Variants in RFX2 observed in about 807,000 individuals in gnomAD.
RFX2 encodes the protein DNA-binding protein RFX2.
A neutral mutation model predicts 87.8 loss-of-function variants in RFX2; 20 were observed. That is an observed-to-expected ratio of 0.23 (90% CI 0.16 to 0.33). The LOEUF (loss-of-function observed/expected upper bound fraction) is 0.33. Ranked by LOEUF, RFX2 falls within the 10% of genes least tolerant of loss-of-function variation. The probability of loss-of-function intolerance (pLI) is 1.00; values close to 1 mark genes in which losing one functional copy is unlikely to be tolerated. For missense variants in RFX2, 767 were observed against 1,012.3 expected, an observed-to-expected ratio of 0.76 and a Z score of 3.29; for synonymous variants, 397 against 431.3, an observed-to-expected ratio of 0.92 and a Z score of 0.98.
At chr19:6,015,280 TAG>T (rs1231945358) in intron 7 of RFX2, among the ~76,000 whole-genome samples, 1 of 151,664 alleles carries the variant, frequency 6.6e-6, no homozygotes, top group Non-Finnish European at 1.5e-5. Context: ...ATATAAAAAT[TAG>T]CCAGGCGTGC....
In RFX2 at chr19:6,013,191, C is replaced by CTA; in HGVS notation, c.780-87_780-86insTA. 1 of 1,075,762 alleles carries CTA rather than the reference C, an allele frequency of 9.3e-7. No homozygotes were observed. The highest frequency in any genetic ancestry group is 3.3e-5 in the East Asian group (1 of 30,598). The allele number at this position is 1,075,762 out of a possible 1,614,324, so 66.6% of individuals were successfully genotyped here. A position where few individuals can be genotyped will look rare whatever the true frequency, so the allele number is the denominator to read the frequency against. On this transcript the variant is annotated intron_variant, in intron 7 of 17. Coordinates refer to ENST00000303657, the MANE Select transcript of RFX2 (RefSeq NM_000635.4). This position sits in a 1 kb window ranked among gnomAD's most constrained non-coding sequence, Gnocchi z 4.1. ...TTGGGATTCTTTTTCTTTCTTTCTT[C>CTA]TTTTTTTTTTTTGAGACAGAATCTC...
At chr19:6,038,917 ATAAAGT>A (rs1463472388) in intron 5 of RFX2, among the ~76,000 whole-genome samples, 1 of 152,214 alleles carries the variant, frequency 6.6e-6, no homozygotes, top group African/African-American at 2.4e-5. Context: ...GTGGTTTCTG[ATAAAGT>A]TAAACATACA....
At chr19:6,082,296 A>G (rs74473866) in intron 1 of RFX2, among the ~76,000 whole-genome samples, 5 of 148,176 alleles carry the variant, frequency 3.4e-5, no homozygotes, top group African/African-American at 1.2e-4. Context: ...CCTGTCTCAA[A>G]AAAAAAAAAA....
At position 6,045,694 on chromosome 19, in the gene RFX2, G is replaced by A. The variant is rs530429661; in HGVS notation, c.91-1412C>T. The stretch of plus-strand genomic sequence containing the variant: ...TTTGTTTTTTTGTGTTTTTTGGGAC[G>A]GATTTTTGCTCTTGTCGCCCAGGCT... On this transcript the variant is annotated intron_variant, in intron 2 of 17. Transcript: ENST00000303657. This position sits in a 1 kb window ranked among gnomAD's most constrained non-coding sequence, Gnocchi z 5.2. 6.6e-6 allele frequency among the ~76,000 whole-genome samples: 1 copy of A among 151,736 alleles called. No homozygotes were observed. The highest frequency in any genetic ancestry group is 1.5e-5 in the Non-Finnish European group (1 of 68,002).
At chr19:6,067,730 G>A (rs73923435) in intron 1 of RFX2, among the ~76,000 whole-genome samples, 28 of 152,118 alleles carry the variant, frequency 1.8e-4, no homozygotes, top group Non-Finnish European at 3.5e-4. Context: ...TGTTTTTGGT[G>A]GGCCCAGCCA....
rs1344850996 is a variant in RFX2 at position 6,002,576 on chromosome 19, TG to T, written c.1650+144del. The T allele has an allele frequency of 3.1e-6, 3 of 979,716 alleles. No homozygotes were observed. The Admixed American group carries it at 7.2e-5, about 24-fold the overall frequency. 60.7% of individuals were successfully genotyped at this position (979,716 alleles called of 1,614,324 possible). On this transcript the variant is annotated intron_variant, in intron 14 of 17. Coordinates refer to ENST00000303657, the MANE Select transcript of RFX2 (RefSeq NM_000635.4). The surrounding 1 kb of genome is among the most constrained non-coding windows in gnomAD (Gnocchi z 6.7). ...AGAGCTGGGGGCTGTGGGTGGGCTT[TG>T]GCCTGGGACCCGTGTCATGCAACAG...
intron 5 of RFX2, among the ~76,000 whole-genome samples, chr19:6,033,410 G>C (rs2086975635): frequency 6.6e-6 from 1 of 152,152 alleles, no homozygotes; most frequent in African/African-American, 2.4e-5. Context: ...TTAACAGCTT[G>C]TCAAGTGAGG....
At chr19:6,049,141 G>A (rs1484840985) in intron 1 of RFX2, 1 of 152,144 alleles carries the variant, frequency 6.6e-6, no homozygotes, top group East Asian at 1.9e-4. Context: ...CTGACCTTTG[G>A]AATTTTTCTG....
intron 5 of RFX2, among the ~76,000 whole-genome samples, chr19:6,029,395 C>A (rs74472778): frequency 0.014 from 2,161 of 152,090 alleles, 32 homozygotes; most frequent in Middle Eastern, 0.082. Flanking sequence ...TAAAGGAAAT[C>A]ATGTACAAAG....
intron 1 of RFX2, among the ~76,000 whole-genome samples, chr19:6,080,881 C>T (rs2087771433): frequency 1.3e-5 from 2 of 151,766 alleles, no homozygotes; most frequent in South Asian, 4.2e-4. Flanking sequence ...ACTAAAAATA[C>T]AAAAATTAGC....
At chr19:6,081,782 G>A (rs1380171110) in intron 1 of RFX2, among the ~76,000 whole-genome samples, 24 of 152,076 alleles carry the variant, frequency 1.6e-4, no homozygotes, top group Non-Finnish European at 1.0e-4. Context: ...GTGAAACACC[G>A]TCTCTACTAA....
chr19:6,077,666 A>G (rs978911147), intron 1 of RFX2, among the ~76,000 whole-genome samples: 2 of 152,154 alleles, frequency 1.3e-5, no homozygotes, highest in African/African-American at 2.4e-5. Flanking sequence ...AACAGCCCAA[A>G]TGTTTGTCAA....
chr19:6,071,565 C>T (rs2087606775), intron 1 of RFX2, among the ~76,000 whole-genome samples: 1 of 152,170 alleles, frequency 6.6e-6, no homozygotes, highest in African/African-American at 2.4e-5. Context: ...GTCTCAAATG[C>T]CACCATCCAA....
Position 5,994,754 on chromosome 19 carries a change from T to A in RFX2, c.*81A>T. The stretch of plus-strand genomic sequence containing the variant: ...TCACATCATCTAAGAGGCACTAATT[T>A]GGTGGAGCCGGTGAAATCCAGGTTC... On this transcript the variant is annotated 3_prime_UTR_variant, in exon 18 of 18. Transcript: ENST00000303657. The A allele has an allele frequency of 1.1e-6, 1 of 894,874 alleles. No homozygotes were observed. The highest frequency in any genetic ancestry group is 1.8e-6 in the Non-Finnish European group (1 of 562,494). 55.4% of individuals were successfully genotyped at this position (894,874 alleles called of 1,614,324 possible). A position where few individuals can be genotyped will look rare whatever the true frequency, so the allele number is the denominator to read the frequency against.
intron 1 of RFX2, among the ~76,000 whole-genome samples, chr19:6,066,257 C>A (rs2087509743): frequency 6.6e-6 from 1 of 152,120 alleles, no homozygotes; most frequent in African/African-American, 2.4e-5. Context: ...CACGGGTGGA[C>A]CCAACTTCTT....
chr19:6,098,599 A>C (rs961220431), intron 1 of RFX2, among the ~76,000 whole-genome samples: 8 of 152,052 alleles, frequency 5.3e-5, no homozygotes, highest in African/African-American at 1.9e-4. Context: ...TAAACGTGAG[A>C]GGTCAGGAGT....
At chr19:6,031,847 C>G (rs1033530013) in intron 5 of RFX2, among the ~76,000 whole-genome samples, 1 of 152,020 alleles carries the variant, frequency 6.6e-6, no homozygotes, top group Non-Finnish European at 1.5e-5. Flanking sequence ...GAGGTGGGGT[C>G]TCTCTCTGCT....
intron 5 of RFX2, among the ~76,000 whole-genome samples, chr19:6,037,073 A>G (rs2087035184): frequency 6.6e-6 from 1 of 152,124 alleles, no homozygotes; most frequent in Non-Finnish European, 1.5e-5. Flanking sequence ...TCACGAGGTC[A>G]GGAGATGGAG....
At position 6,042,044 on chromosome 19, in the gene RFX2, A is replaced by G. The variant is rs778182843; in HGVS notation, c.260T>C (p.Ile87Thr). Residue 87 changes from isoleucine to threonine, a missense_variant and splice_region_variant, in exon 4 of 18, where the codon ATA (isoleucine) becomes ACA (threonine). Physicochemically the swap from Ile to Thr is moderately conservative, Grantham distance 89. Transcript: ENST00000303657. ...TGTGGCCCGCGGGAGAAGCACGCAC[A>G]TGGCTCCATTGGTGTAGACGGCGTC... ...GGDAVYTNGA[I>T]RTAYTYNPEP... is the part of the protein sequence containing the mutation. The G allele has an allele frequency of 1.2e-6, 2 of 1,613,654 alleles. No homozygotes were observed. Among genetic ancestry groups the G allele is most frequent in the Non-Finnish European group, 8.5e-7 (1 of 1,179,584 alleles).
Sources: gnomAD v4.1 joint callset for allele counts (sites outside exome capture counted in the v4.1 genomes callset) on GRCh38, gnomAD v4.1.1 for gene constraint, Gnocchi (gnomAD v3.1) non-coding constraint, MANE v1.5 for transcripts, NCBI Gene and HGNC (gene_info 2026-07-23, HGNC 2026-07-21) for gene names.